LYPD6B: variants seen among roughly 807,000 people sequenced by gnomAD.
LYPD6B encodes LY6/PLAUR domain containing 6B.
LYPD6B carries 17 observed loss-of-function variants against 22.8 expected under a neutral mutation model. The ratio of observed to expected loss-of-function variants is 0.75; its 90% confidence interval spans 0.51 to 1.12. The LOEUF (loss-of-function observed/expected upper bound fraction) is 1.12, where lower values mean the gene tolerates loss of function less well. LYPD6B is among the 50% of genes most tolerant of loss of function. The pLI is 0.00. For synonymous variants in LYPD6B, 106 were observed against 91.6 expected, an observed-to-expected ratio of 1.16 and a Z score of -0.90; for missense variants, 221 against 258.3, an observed-to-expected ratio of 0.86 and a Z score of 0.99.
chr2:149,183,683 G>A (rs1003133368), intron 3 of LYPD6B, among the ~76,000 whole-genome samples: 8 of 152,100 alleles, frequency 5.3e-5, no homozygotes, highest in Admixed American at 1.3e-4. Context: ...CAGTTTGTAC[G>A]TGGACTGCCT....
At chr2:149,155,802 G>A (rs188709046) in intron 2 of LYPD6B, among the ~76,000 whole-genome samples, 1 of 152,292 alleles carries the variant, frequency 6.6e-6, no homozygotes, top group East Asian at 1.9e-4. Flanking sequence ...ATTGTCTGTG[G>A]AGGCTGTAGA....
rs1295606070 is a variant in LYPD6B at position 149,214,757 on chromosome 2, C to A, written c.*47C>A. On this transcript the variant is annotated 3_prime_UTR_variant, in exon 7 of 7. Coordinates refer to ENST00000409642, the MANE Select transcript of LYPD6B (RefSeq NM_177964.5). ...CAGAGACCAGCCTCTAAAGCACAAGCCAAAAACTGTGTGAACGGTGAACTT... is the reference window on the plus strand; with the variant it reads ...CAGAGACCAGCCTCTAAAGCACAAGACAAAAACTGTGTGAACGGTGAACTT... The A allele has an allele frequency of 1.3e-6, 2 of 1,588,446 alleles. No homozygotes were observed. The highest frequency in any genetic ancestry group is 4.5e-5 in the East Asian group (2 of 44,654).
chr2:149,147,779 G>A (rs1689118945), intron 2 of LYPD6B, among the ~76,000 whole-genome samples: 2 of 152,174 alleles, frequency 1.3e-5, no homozygotes, highest in South Asian at 4.1e-4. Context: ...CTCCCAAAGT[G>A]CTGGGATTAT....
intron 1 of LYPD6B, among the ~76,000 whole-genome samples, chr2:149,043,187 T>G (rs1683167130): frequency 6.6e-6 from 1 of 152,172 alleles, no homozygotes; most frequent in South Asian, 2.1e-4. Context: ...TTTTGATGCC[T>G]CAGGAACTTG....
At chr2:149,175,676 TTC>T (rs1691240347) in intron 3 of LYPD6B, among the ~76,000 whole-genome samples, 1 of 151,642 alleles carries the variant, frequency 6.6e-6, no homozygotes, top group Non-Finnish European at 1.5e-5. Flanking sequence ...TACATCCTTA[TTC>T]TATCAGCCTT....
At chr2:149,207,932 G>T (rs761069585) in intron 4 of LYPD6B, among the ~76,000 whole-genome samples, 13 of 151,930 alleles carry the variant, frequency 8.6e-5, no homozygotes, top group African/African-American at 1.2e-4. Context: ...TTCAAACTCA[G>T]GTTAATCTGA....
At chr2:149,125,372 A>G (rs1687639886) in intron 1 of LYPD6B, among the ~76,000 whole-genome samples, 1 of 152,142 alleles carries the variant, frequency 6.6e-6, no homozygotes, top group African/African-American at 2.4e-5. Flanking sequence ...CTCTTCCTGG[A>G]GGGTTTTTCT....
chr2:149,114,053 C>A (rs1475579838), intron 1 of LYPD6B, among the ~76,000 whole-genome samples: 1 of 152,020 alleles, frequency 6.6e-6, no homozygotes, highest in African/African-American at 2.4e-5. Flanking sequence ...CTCAATAAAG[C>A]AAAGGGAAGG....
At chr2:149,186,574 A>G (rs1221418580) in intron 3 of LYPD6B, among the ~76,000 whole-genome samples, 1 of 152,208 alleles carries the variant, frequency 6.6e-6, no homozygotes, top group East Asian at 1.9e-4. Flanking sequence ...ATCATTGATG[A>G]AGGTAGTTAC....
At chr2:149,082,916 A>G (rs1435145191) in intron 1 of LYPD6B, among the ~76,000 whole-genome samples, 1 of 152,214 alleles carries the variant, frequency 6.6e-6, no homozygotes, top group Admixed American at 6.5e-5. Context: ...TGTAGGAAAT[A>G]AGGAATTCAG....
chr2:149,103,771 C>CTTTTTTTTTTT (rs56739458), intron 1 of LYPD6B, among the ~76,000 whole-genome samples: 1 of 74,312 alleles, frequency 1.3e-5, no homozygotes, highest in African/African-American at 5.5e-5. Flanking sequence ...TTGTGCATAT[C>CTTTTTTTTTTT]TTTTTTTTTT....
intron 3 of LYPD6B, among the ~76,000 whole-genome samples, chr2:149,200,058 C>G (rs1029764151): frequency 6.6e-6 from 1 of 152,358 alleles, no homozygotes; most frequent in South Asian, 2.1e-4. Flanking sequence ...CTTCTGCTCT[C>G]ATTTTGAATT....
intron 1 of LYPD6B, among the ~76,000 whole-genome samples, chr2:149,076,705 T>A (rs1018976474): frequency 3.3e-5 from 5 of 152,262 alleles, no homozygotes; most frequent in Non-Finnish European, 5.9e-5. Context: ...GATGAAATTT[T>A]AAAAAAACTG....
chr2:149,164,064 C>G (rs75139489), intron 3 of LYPD6B, among the ~76,000 whole-genome samples: 18,839 of 151,904 alleles, frequency 0.12, 1,480 homozygotes, highest in Non-Finnish European at 0.16. Flanking sequence ...ATCGGAGATA[C>G]GGTAGTTTGT....
intron 2 of LYPD6B, among the ~76,000 whole-genome samples, chr2:149,134,967 G>A (rs58074042): frequency 0.015 from 2,221 of 152,244 alleles, 45 homozygotes; most frequent in African/African-American, 0.05. Flanking sequence ...TTGTAGGGCC[G>A]GGCACAGTGG....
chr2:149,109,212 T>C (rs1429742965), intron 1 of LYPD6B, among the ~76,000 whole-genome samples: 5 of 152,230 alleles, frequency 3.3e-5, no homozygotes, highest in African/African-American at 4.8e-5. Context: ...CCTTTGATAG[T>C]TCTTGTGGTG....
chr2:149,118,371 G>A (rs886349386), intron 1 of LYPD6B: 7 of 152,312 alleles, frequency 4.6e-5, no homozygotes, highest in Admixed American at 2.6e-4. Context: ...TTTTTACAAA[G>A]CACAGTTAAC....
intron 1 of LYPD6B, among the ~76,000 whole-genome samples, chr2:149,041,114 A>AG (rs1683065299): frequency 7.6e-6 from 1 of 132,390 alleles, no homozygotes; most frequent in East Asian, 2.1e-4. Context: ...AAAAAAAAAA[A>AG]AAAAGAAAAT....
chr2:149,177,773 A>T (rs1206378156), intron 3 of LYPD6B, among the ~76,000 whole-genome samples: 4 of 151,726 alleles, frequency 2.6e-5, no homozygotes, highest in Admixed American at 2.0e-4. Context: ...TGCTGCCCAA[A>T]CAAGAGAGCT....
Sources: allele counts gnomAD v4.1 joint callset (sites outside exome capture counted in the v4.1 genomes callset), GRCh38; gene constraint gnomAD v4.1.1; transcripts MANE v1.5; gene names NCBI Gene and HGNC (gene_info 2026-07-23, HGNC 2026-07-21).